The following PCDH15 variants were observed in gnomAD, a reference collection of about 807,000 sequenced individuals.
The protein encoded by PCDH15 is protocadherin-15.
PCDH15 carries 129 observed loss-of-function variants against 178.5 expected under a neutral mutation model. The ratio of observed to expected loss-of-function variants is 0.72; its 90% CI spans 0.63 to 0.84. The LOEUF (loss-of-function observed/expected upper bound fraction) is 0.84, where lower values mean the gene tolerates loss of function less well. PCDH15 is among the 40% of genes least tolerant of loss of function. The pLI is 0.00. For synonymous variants in PCDH15, 800 were observed against 732.0 expected (o/e 1.09, Z -1.50); for missense variants, 2,230 against 2,099.9 (o/e 1.06, Z -1.21).
intron 22 of PCDH15, among the ~76,000 whole-genome samples, chr10:53,960,191 C>T (rs1012318170): frequency 1.2e-4 from 19 of 152,092 alleles, no homozygotes; most frequent in Non-Finnish European, 2.2e-4. Context: ...CACTGAAGCC[C>T]ACAGTAAATA....
rs764162842 is a variant in PCDH15, at chr10:53,822,785, T to TATCA, written c.4368-2559_4368-2556dup. The TATCA allele has an allele frequency of 1.1e-5, 17 of 1,613,996 alleles. No individual in the cohort carries two copies. Among genetic ancestry groups the TATCA allele is most frequent in the Admixed American group, 1.7e-5 (1 of 60,000 alleles). On this transcript the variant is annotated intron_variant, in intron 32 of 37. Transcript: ENST00000644397. ...GAGATTTCAACTGTTCTGTTCCTTCTATCATCAGTGTTTCACCTTGCCTTA... is the reference window on the plus strand; with the variant it reads ...GAGATTTCAACTGTTCTGTTCCTTCTATCAATCATCAGTGTTTCACCTTGCCTTA...
At chr10:54,364,947 A>C (rs1946587514) in intron 5 of PCDH15, among the ~76,000 whole-genome samples, 1 of 152,100 alleles carries the variant, frequency 6.6e-6, no homozygotes, top group African/African-American at 2.4e-5. Context: ...CTGGTGTTCA[A>C]AACCAGCAAT....
At chr10:54,030,914 C>T (rs117546172) in intron 18 of PCDH15, among the ~76,000 whole-genome samples, 9 of 151,850 alleles carry the variant, frequency 5.9e-5, no homozygotes, top group Non-Finnish European at 1.3e-4. Context: ...ATTCCAAATC[C>T]AGCTTTACTC....
intron 1 of PCDH15, among the ~76,000 whole-genome samples, chr10:54,664,535 G>A (rs1044247948): frequency 1.3e-5 from 2 of 151,978 alleles, no homozygotes; most frequent in African/African-American, 4.8e-5. Context: ...CAAGTAGGTT[G>A]AGAAGTTAAC....
intron 2 of PCDH15, among the ~76,000 whole-genome samples, chr10:55,513,574 T>C: frequency 6.6e-6 from 1 of 152,152 alleles, no homozygotes; most frequent in Non-Finnish European, 1.5e-5. Context: ...ACATAAGTTA[T>C]TTAATATTTG....
chr10:54,920,899 A>G (rs545498865), intron 2 of PCDH15, among the ~76,000 whole-genome samples: 84 of 152,204 alleles, frequency 5.5e-4, no homozygotes, highest in Non-Finnish European at 1.1e-3. Flanking sequence ...ATTTTGATAT[A>G]GTAACCCACA....
At chr10:54,186,311 C>G (rs544861593) in intron 11 of PCDH15, among the ~76,000 whole-genome samples, 4 of 151,858 alleles carry the variant, frequency 2.6e-5, no homozygotes, top group African/African-American at 9.6e-5. Context: ...AGGACTGAGG[C>G]AAGAGCAAAG....
At chr10:54,698,240 G>A (rs1231496971) in intron 1 of PCDH15, among the ~76,000 whole-genome samples, 2 of 152,138 alleles carry the variant, frequency 1.3e-5, no homozygotes, top group East Asian at 1.9e-4. Flanking sequence ...TGGATATTAG[G>A]AGAGACAAGC....
At chr10:53,916,459 A>T (rs1280053613) in intron 25 of PCDH15, among the ~76,000 whole-genome samples, 1 of 152,154 alleles carries the variant, frequency 6.6e-6, no homozygotes, top group Non-Finnish European at 1.5e-5. Flanking sequence ...ACATTTTGTT[A>T]TTCCTGAGTT....
chr10:53,906,069 C>T (rs1399682812), intron 25 of PCDH15, among the ~76,000 whole-genome samples: 1 of 151,982 alleles, frequency 6.6e-6, no homozygotes, highest in African/African-American at 2.4e-5. Flanking sequence ...TATAACAATA[C>T]TGTATCATGA....
intron 9 of PCDH15, among the ~76,000 whole-genome samples, chr10:54,225,849 T>G (rs944940797): frequency 2.0e-5 from 3 of 152,222 alleles, no homozygotes; most frequent in Admixed American, 2.0e-4. Flanking sequence ...ACTTAGCTAA[T>G]GCTTTATATA....
At chr10:55,043,828 C>T (rs941908764) in intron 2 of PCDH15, among the ~76,000 whole-genome samples, 5 of 151,994 alleles carry the variant, frequency 3.3e-5, no homozygotes, top group Non-Finnish European at 7.4e-5. Context: ...TATCTGGATA[C>T]TTGCTTACAT....
intron 2 of PCDH15, among the ~76,000 whole-genome samples, chr10:54,571,567 A>G (rs879039798): frequency 1.3e-5 from 2 of 152,118 alleles, no homozygotes; most frequent in Admixed American, 1.3e-4. Context: ...ACTCATTACA[A>G]TGGTTTAGTG....
At chr10:55,200,879 G>T (rs1346159074) in intron 1 of PCDH15, among the ~76,000 whole-genome samples, 1 of 152,008 alleles carries the variant, frequency 6.6e-6, no homozygotes, top group Admixed American at 6.6e-5. Context: ...ATGATTATAA[G>T]TTTCCTGAAG....
chr10:54,386,326 G>T (rs1341286160), intron 3 of PCDH15, among the ~76,000 whole-genome samples: 1 of 151,672 alleles, frequency 6.6e-6, no homozygotes, highest in African/African-American at 2.4e-5. Context: ...ATAAATTTTT[G>T]TTGGGCCACA....
chr10:54,861,022 A>C (rs1351278797), intron 3 of PCDH15, among the ~76,000 whole-genome samples: 1 of 152,142 alleles, frequency 6.6e-6, no homozygotes, highest in South Asian at 2.1e-4. Context: ...AATCTGATTC[A>C]TTTATTTTAT....
At chr10:53,842,096 G>A (rs897240017) in intron 28 of PCDH15, among the ~76,000 whole-genome samples, 12 of 151,974 alleles carry the variant, frequency 7.9e-5, no homozygotes, top group African/African-American at 2.4e-5. Context: ...GAGAGGCCTC[G>A]GAGTCAAACC....
chr10:54,036,618 T>C (rs1173995816), intron 18 of PCDH15, among the ~76,000 whole-genome samples: 2 of 152,030 alleles, frequency 1.3e-5, no homozygotes, highest in East Asian at 3.9e-4. Flanking sequence ...TTACTGCTCA[T>C]TGAGAATGCA....
At chr10:55,047,085 T>G (rs1272328915) in intron 2 of PCDH15, among the ~76,000 whole-genome samples, 1 of 151,926 alleles carries the variant, frequency 6.6e-6, no homozygotes. Flanking sequence ...TTGAAATTGT[T>G]TAGAAAATTA....
Sources: gnomAD v4.1 joint callset for allele counts (sites outside exome capture counted in the v4.1 genomes callset) on GRCh38, gnomAD v4.1.1 for gene constraint, MANE v1.5 for transcripts, NCBI Gene and HGNC (gene_info 2026-07-23, HGNC 2026-07-21) for gene names.